Variants in USH2A observed in about 807,000 individuals in gnomAD.
USH2A encodes the protein Usher syndrome 2A (autosomal recessive, mild).
In USH2A, 443 loss-of-function variants were observed where a neutral mutation model predicts 538.9. The ratio of observed to expected loss-of-function variants is 0.82; its 90% CI spans 0.76 to 0.89. The LOEUF (loss-of-function observed/expected upper bound fraction) is 0.89. Ranked by LOEUF, USH2A falls within the 40% of genes least tolerant of loss-of-function variation. USH2A has a pLI of 0.00. For synonymous variants in USH2A, 2,413 were observed against 2,273.5 expected, an observed-to-expected ratio of 1.06 and a Z score of -1.75; for missense variants, 6,633 against 6,324.8, an observed-to-expected ratio of 1.05 and a Z score of -1.65.
At chr1:216,163,916 GC>G (rs2034117658) in intron 21 of USH2A, among the ~76,000 whole-genome samples, 1 of 151,978 alleles carries the variant, frequency 6.6e-6, no homozygotes, top group South Asian at 2.1e-4. Context: ...AGTCCTAGAA[GC>G]CTTTGTTACT....
chr1:216,072,799 G>T, intron 29 of USH2A, 90 bp downstream of exon 29: 1 of 1,258,044 alleles, frequency 7.9e-7, no homozygotes, highest in Non-Finnish European at 1.2e-6. Context: ...AAATATTACT[G>T]CTTCAGGGTA....
intron 21 of USH2A, among the ~76,000 whole-genome samples, chr1:216,107,631 T>C (rs1243135797): frequency 1.3e-5 from 2 of 151,812 alleles, no homozygotes; most frequent in Non-Finnish European, 3.0e-5. Flanking sequence ...AATATGTTTT[T>C]AACTTAATTT....
At chr1:216,287,251 A>G (rs921758317) in intron 11 of USH2A, among the ~76,000 whole-genome samples, 7 of 152,178 alleles carry the variant, frequency 4.6e-5, no homozygotes, top group Middle Eastern at 3.2e-3. Flanking sequence ...ATTCAACACC[A>G]TTCATAAAAA....
At chr1:215,910,668 T>C (rs1292244550) in intron 38 of USH2A, among the ~76,000 whole-genome samples, 1 of 151,990 alleles carries the variant, frequency 6.6e-6, no homozygotes, top group Non-Finnish European at 1.5e-5. Context: ...ACTACAATCA[T>C]GCTTTACTCA....
chr1:216,008,576 C>T (rs557216411), intron 32 of USH2A, among the ~76,000 whole-genome samples: 29 of 152,248 alleles, frequency 1.9e-4, no homozygotes, highest in East Asian at 1.9e-4. Flanking sequence ...TGACTCGGAT[C>T]GGGGGACCTC....
intron 49 of USH2A, among the ~76,000 whole-genome samples, chr1:215,809,456 C>A (rs1366281748): frequency 3.0e-4 from 43 of 143,382 alleles, no homozygotes; most frequent in Admixed American, 3.4e-4. Flanking sequence ...GAAAAGTCTT[C>A]AAAAAAAAAA....
intron 11 of USH2A, among the ~76,000 whole-genome samples, chr1:216,271,212 C>A (rs1421482405): frequency 2.0e-5 from 3 of 152,050 alleles, no homozygotes; most frequent in Non-Finnish European, 4.4e-5. Flanking sequence ...TCTCCAGTCT[C>A]ACATACCATT....
chr1:216,113,979 T>C (rs1429877179), intron 21 of USH2A, among the ~76,000 whole-genome samples: 4 of 151,750 alleles, frequency 2.6e-5, no homozygotes, highest in Non-Finnish European at 5.9e-5. Flanking sequence ...CAAATTTACT[T>C]ACAAAATTGC....
chr1:215,919,946 C>A (rs574355307), intron 38 of USH2A, among the ~76,000 whole-genome samples: 3 of 152,042 alleles, frequency 2.0e-5, no homozygotes. Flanking sequence ...ATGTTTTATT[C>A]AAAGCCTATT....
At chr1:215,633,986 C>A (rs1656393989) in intron 70 of USH2A, among the ~76,000 whole-genome samples, 1 of 152,174 alleles carries the variant, frequency 6.6e-6, no homozygotes, top group African/African-American at 2.4e-5. Context: ...GCACCACTAG[C>A]ACTGTAGCCC....
At chr1:216,111,974 T>G (rs1184557981) in intron 21 of USH2A, among the ~76,000 whole-genome samples, 2 of 151,978 alleles carry the variant, frequency 1.3e-5, no homozygotes. Context: ...GCTATATAGT[T>G]TAATTTAAAT....
chr1:216,138,192 A>G (rs1467097819), intron 21 of USH2A, among the ~76,000 whole-genome samples: 4 of 152,178 alleles, frequency 2.6e-5, no homozygotes, highest in Non-Finnish European at 5.9e-5. Context: ...ACACATCACT[A>G]ATCTTTGTAC....
intron 31 of USH2A, among the ~76,000 whole-genome samples, chr1:216,047,542 T>C (rs1319475510): frequency 6.6e-6 from 1 of 151,208 alleles, no homozygotes; most frequent in Non-Finnish European, 1.5e-5. Flanking sequence ...AAATACAGCA[T>C]ATTAAGGGTC....
At chr1:216,334,618 T>C (rs2037934492) in intron 4 of USH2A, among the ~76,000 whole-genome samples, 1 of 151,972 alleles carries the variant, frequency 6.6e-6, no homozygotes, top group East Asian at 1.9e-4. Context: ...ATAGATTGAA[T>C]GTTCAAGAAT....
chr1:215,652,732 G>C (rs377084817), intron 64 of USH2A, among the ~76,000 whole-genome samples: 2 of 152,144 alleles, frequency 1.3e-5, no homozygotes, highest in Admixed American at 1.3e-4. Context: ...TGGTGGGGGG[G>C]ACACCTATTA....
chr1:215,639,008 A>C (rs1414445717), intron 69 of USH2A, 147 bp downstream of exon 69: 2 of 869,528 alleles, frequency 2.3e-6, no homozygotes, highest in South Asian at 1.5e-5. Context: ...AAAAAACAAA[A>C]AAAAAAACTC....
At chr1:216,218,929 T>C (rs185289555) in intron 14 of USH2A, among the ~76,000 whole-genome samples, 22 of 152,190 alleles carry the variant, frequency 1.4e-4, no homozygotes, top group Admixed American at 1.0e-3. Flanking sequence ...GTCTATTGTT[T>C]ATAGGCTTTT....
intron 52 of USH2A, among the ~76,000 whole-genome samples, chr1:215,784,644 G>A (rs1661741857): frequency 6.6e-6 from 1 of 152,166 alleles, no homozygotes. Flanking sequence ...CAGCTTTCAA[G>A]TGTAAGTTTC....
intron 20 of USH2A, among the ~76,000 whole-genome samples, chr1:216,176,389 C>A (rs1361757891): frequency 6.6e-6 from 1 of 152,028 alleles, no homozygotes; most frequent in Non-Finnish European, 1.5e-5. Context: ...ACAGGTGCCA[C>A]TACGCCCAGT....
Sources: gnomAD v4.1 joint callset for allele counts (sites outside exome capture counted in the v4.1 genomes callset) on GRCh38, gnomAD v4.1.1 for gene constraint, MANE v1.5 for transcripts, NCBI Gene and HGNC (gene_info 2026-07-23, HGNC 2026-07-21) for gene names.